Variants in SLC1A4 observed in about 807,000 individuals in gnomAD.
The protein encoded by SLC1A4 is solute carrier family 1 member 4.
A neutral mutation model predicts 37.7 loss-of-function variants in SLC1A4; 19 were observed. The ratio of observed to expected loss-of-function variants is 0.50; its 90% CI spans 0.35 to 0.74. SLC1A4 has a LOEUF of 0.74. Among genes scored for constraint, SLC1A4 ranks in the 30% least tolerant of loss-of-function variants. SLC1A4 has a pLI of 0.01. For synonymous variants in SLC1A4, 299 were observed against 309.8 expected (o/e 0.97, Z 0.37); for missense variants, 570 against 712.9 (o/e 0.80, Z 2.28).
chr2:65,012,822 T>C (rs1234910070), intron 4 of SLC1A4, among the ~76,000 whole-genome samples: 1 of 152,216 alleles, frequency 6.6e-6, no homozygotes, highest in African/African-American at 2.4e-5. Flanking sequence ...GAGTATTGCT[T>C]GAGCTCAGGA....
At chr2:65,012,650 A>T (rs1344472533) in intron 4 of SLC1A4, among the ~76,000 whole-genome samples, 2 of 152,222 alleles carry the variant, frequency 1.3e-5, no homozygotes, top group African/African-American at 4.8e-5. Flanking sequence ...GAGAGAACTG[A>T]TATTTTCAGA....
At position 64,989,875 on chromosome 2, in the gene SLC1A4, C is replaced by T; in HGVS notation, c.232C>T (p.Pro78Ser). The T allele has an allele frequency of 2.6e-6, 4 of 1,543,832 alleles. No homozygotes were observed. The change falls in exon 1 of 8, where the codon CCC becomes TCC. Residue 78 changes from proline (P) to serine (S), a missense_variant. Transcript: ENST00000234256. ...CACGCAGGTCACCTACCTGGCCTTC[C>T]CCGGCGAGATGCTGCTCCGCATGCT... ...SRTQVTYLAFPGEMLLRMLRM... is the reference protein window; with the variant it reads ...SRTQVTYLAFSGEMLLRMLRM...
At chr2:64,991,503 C>T (rs573804319) in intron 1 of SLC1A4, among the ~76,000 whole-genome samples, 3 of 149,704 alleles carry the variant, frequency 2.0e-5, no homozygotes, top group Admixed American at 1.3e-4. Context: ...TCCTAGCTCA[C>T]TGCATCCCCG....
chr2:65,011,429 G>A (rs1265148685), intron 4 of SLC1A4: 1 of 150,104 alleles, frequency 6.7e-6, no homozygotes, highest in Non-Finnish European at 1.5e-5. Flanking sequence ...ACCATACCCA[G>A]CTAATTTTTT....
chr2:64,994,809 T>G (rs998390303), intron 1 of SLC1A4: 1 of 152,186 alleles, frequency 6.6e-6, no homozygotes, highest in Non-Finnish European at 1.5e-5. Flanking sequence ...GTGGCCTCCG[T>G]GCAAGGATGA....
intron 5 of SLC1A4, 102 bp from the exon 6 acceptor site, chr2:65,017,969 G>A (rs1245904142): frequency 1.1e-5 from 10 of 922,782 alleles, no homozygotes; most frequent in East Asian, 2.5e-5. Flanking sequence ...AGCCAGAAAC[G>A]AAGATGGTGC....
At chr2:65,001,181 C>G in intron 1 of SLC1A4, 1 of 382,488 alleles carries the variant, frequency 2.6e-6, no homozygotes, top group East Asian at 4.9e-5. Flanking sequence ...GGAGAGAGAA[C>G]ACTGTGTTAG....
At chr2:65,013,370 G>A (rs1673999836) in intron 4 of SLC1A4, among the ~76,000 whole-genome samples, 1 of 152,154 alleles carries the variant, frequency 6.6e-6, no homozygotes, top group Admixed American at 6.5e-5. Context: ...TTACAGGCAT[G>A]CGCCACCACG....
chr2:65,001,968 A>G (rs2103647240), intron 2 of SLC1A4, among the ~76,000 whole-genome samples: 1 of 152,338 alleles, frequency 6.6e-6, no homozygotes, highest in Non-Finnish European at 1.5e-5. Context: ...CTATGCGTGT[A>G]TACACATACA....
chr2:64,997,607 T>C (rs1016824207), intron 1 of SLC1A4, among the ~76,000 whole-genome samples: 1 of 152,210 alleles, frequency 6.6e-6, no homozygotes, highest in African/African-American at 2.4e-5. Flanking sequence ...CTCAGCACAG[T>C]GTTGCTGAGA....
chr2:64,989,554 A>C lies in SLC1A4; in HGVS notation c.-90A>C. 8.0e-7 allele frequency: 1 copy of C among 1,246,058 alleles called. No homozygotes were observed. Among genetic ancestry groups the C allele is most frequent in the Non-Finnish European group, 1.0e-6 (1 of 960,324 alleles). 77.2% of individuals were successfully genotyped at this position (1,246,058 alleles called of 1,614,324 possible). A position where few individuals can be genotyped will look rare whatever the true frequency, so the allele number is the denominator to read the frequency against. On this transcript the variant is annotated 5_prime_UTR_variant, in exon 1 of 8. Coordinates refer to ENST00000234256, the MANE Select transcript of SLC1A4 (RefSeq NM_003038.5). The stretch of plus-strand genomic sequence containing the variant: ...GGCTTCCCAGAACCTGCGGAGCACA[A>C]CTGGCCGACCGACCCATTCATTGGG...
rs910875816 is a variant in SLC1A4 at position 65,021,401 on chromosome 2, T to C, written c.*255T>C. The C allele has an allele frequency of 4.0e-6, 2 of 504,234 alleles. No individual in the cohort carries two copies. The highest frequency in any genetic ancestry group is 3.5e-5 in the Admixed American group (1 of 28,186). The allele number at this position is 504,234 out of a possible 1,614,324, so 31.2% of individuals were successfully genotyped here. A position where few individuals can be genotyped will look rare whatever the true frequency, so the allele number is the denominator to read the frequency against. ...TGCAACTGTGTGTACACCAGGGATC[T>C]GTTTGGAAACAACCCCTTGAGCTGC... On this transcript the variant is annotated 3_prime_UTR_variant, in exon 8 of 8. Coordinates refer to ENST00000234256, the MANE Select transcript of SLC1A4 (RefSeq NM_003038.5).
chr2:65,001,209 T>C, intron 1 of SLC1A4: 1 of 494,676 alleles, frequency 2.0e-6, no homozygotes, highest in Non-Finnish European at 3.6e-6. Flanking sequence ...GAAGTGGACA[T>C]CTCAAAGCAG....
At chr2:65,012,060 C>T (rs1673943279) in intron 4 of SLC1A4, among the ~76,000 whole-genome samples, 2 of 151,770 alleles carry the variant, frequency 1.3e-5, no homozygotes, top group South Asian at 4.2e-4. Context: ...TGAGCCACTG[C>T]ACCCAGCCGC....
At position 65,023,196 on chromosome 2, in the gene SLC1A4, T is replaced by G. The variant is rs201989335; in HGVS notation, c.*2050T>G. ...ACTCTTCTGTTTTCAAGGGAAACAA[T>G]CACATTGTTTGATTCCAAATGGTAA... On this transcript the variant is annotated 3_prime_UTR_variant, in exon 8 of 8. Coordinates refer to ENST00000234256, the MANE Select transcript of SLC1A4 (RefSeq NM_003038.5). 1 of 152,256 alleles carries G rather than the reference T, an allele frequency of 6.6e-6. No individual in the cohort carries two copies. The highest frequency in any genetic ancestry group is 1.9e-4 in the East Asian group (1 of 5,206). The allele number at this position is 152,256 out of a possible 1,614,324, so 9.4% of individuals were successfully genotyped here.
intron 1 of SLC1A4, among the ~76,000 whole-genome samples, chr2:64,998,528 AT>A (rs906836705): frequency 2.0e-5 from 3 of 151,762 alleles, no homozygotes; most frequent in Non-Finnish European, 4.4e-5. Flanking sequence ...TAGGAACTTG[AT>A]TTTTGGGGGG....
rs756544988 is a variant in SLC1A4 at position 64,989,913 on chromosome 2, C to A, written c.270C>A (p.Ile90=). The A allele has an allele frequency of 1.9e-5, 29 of 1,559,668 alleles. No homozygotes were observed. The East Asian group carries it at 6.7e-4, about 36-fold the overall frequency. ...EMLLRMLRMI[I]LPLVVCSLVS... is the part of the protein sequence containing the mutation. Reference sequence around the variant, plus strand: ...TGCTCCGCATGCTGCGCATGATCATCCTGCCGCTGGTGGTCTGCAGCCTGG... The same window carrying A: ...TGCTCCGCATGCTGCGCATGATCATACTGCCGCTGGTGGTCTGCAGCCTGG... The change falls in exon 1 of 8, where the codon ATC becomes ATA. Residue 90 remains isoleucine, a synonymous_variant. Coordinates refer to ENST00000234256, the MANE Select transcript of SLC1A4 (RefSeq NM_003038.5).
intron 1 of SLC1A4, among the ~76,000 whole-genome samples, chr2:64,992,867 A>G (rs1408996878): frequency 9.9e-5 from 15 of 152,166 alleles, no homozygotes; most frequent in Non-Finnish European, 2.2e-4. Context: ...CAAGTGAAGG[A>G]AAGTATGTGT....
At chr2:64,991,512 C>G (rs1396764789) in intron 1 of SLC1A4, among the ~76,000 whole-genome samples, 2 of 151,186 alleles carry the variant, frequency 1.3e-5, no homozygotes, top group African/African-American at 4.9e-5. Flanking sequence ...ACTGCATCCC[C>G]GAACTCCTAG....
Sources: allele counts gnomAD v4.1 joint callset (sites outside exome capture counted in the v4.1 genomes callset), GRCh38; gene constraint gnomAD v4.1.1; transcripts MANE v1.5; gene names NCBI Gene and HGNC (gene_info 2026-07-23, HGNC 2026-07-21).